SLC25A26: variants seen among roughly 807,000 people sequenced by gnomAD.
The protein encoded by SLC25A26 is mitochondrial S-adenosylmethionine carrier protein.
SLC25A26 carries 36 observed loss-of-function variants against 37.8 expected under a neutral mutation model. That is an observed-to-expected ratio of 0.95 (90% CI 0.73 to 1.26). The LOEUF (loss-of-function observed/expected upper bound fraction) is 1.26. SLC25A26 is among the 50% of genes most tolerant of loss of function. The pLI, the probability that SLC25A26 is intolerant of heterozygous loss-of-function variation, is 0.00. For synonymous variants in SLC25A26, 129 were observed against 122.5 expected, an observed-to-expected ratio of 1.05 and a Z score of -0.35; for missense variants, 390 against 331.1, an observed-to-expected ratio of 1.18 and a Z score of -1.38.
At chr3:66,276,757 T>C (rs1278549160) in intron 5 of SLC25A26, among the ~76,000 whole-genome samples, 2 of 152,034 alleles carry the variant, frequency 1.3e-5, no homozygotes, top group Admixed American at 6.6e-5. Flanking sequence ...AGATAATTTA[T>C]TGACTAGTGG....
At chr3:66,246,468 C>G (rs1032920875) in intron 3 of SLC25A26, among the ~76,000 whole-genome samples, 8 of 152,102 alleles carry the variant, frequency 5.3e-5, no homozygotes, top group African/African-American at 1.7e-4. Context: ...CGTTTATATT[C>G]TGATGCTCCT....
chr3:66,265,598 A>C lies in SLC25A26; in HGVS notation c.453+2219A>C, dbSNP rs139843727. On this transcript the variant is annotated intron_variant, in intron 5 of 9. Coordinates refer to ENST00000354883, the MANE Select transcript of SLC25A26 (RefSeq NM_001379210.1). The stretch of plus-strand genomic sequence containing the variant: ...ATACTGAAATTCATTGAAATCCCAA[A>C]TTTTATTCTCAGGTAGTTTTTTGTT... Among the ~76,000 whole-genome samples the C allele has an allele frequency of 7.0e-3, 1,066 of 152,312 alleles. 8 individuals carry two copies. Among genetic ancestry groups the C allele is most frequent in the Non-Finnish European group, 9.3e-3 (630 of 68,028 alleles).
chr3:66,222,553 C>G (rs889031853), intron 1 of SLC25A26, among the ~76,000 whole-genome samples: 19 of 152,222 alleles, frequency 1.2e-4, no homozygotes, highest in African/African-American at 4.3e-4. Context: ...GCTAACATTC[C>G]TGTGCCAGGA....
chr3:66,141,330 A>C (rs908255967), intron 1 of SLC25A26, among the ~76,000 whole-genome samples: 1 of 151,750 alleles, frequency 6.6e-6, no homozygotes, highest in African/African-American at 2.4e-5. Flanking sequence ...GGGCTCAAGA[A>C]ATATGTCTGC....
chr3:66,312,103 C>T (rs1050007633), intron 5 of SLC25A26, among the ~76,000 whole-genome samples: 2 of 152,176 alleles, frequency 1.3e-5, no homozygotes, highest in Non-Finnish European at 1.5e-5. Flanking sequence ...GCTGCCTGTT[C>T]CCCCAGGTGC....
chr3:66,135,020 G>C (rs558830017), intron 1 of SLC25A26, among the ~76,000 whole-genome samples: 2 of 151,890 alleles, frequency 1.3e-5, no homozygotes, highest in African/African-American at 4.8e-5. Flanking sequence ...TAGTACAGAC[G>C]GGGTTTCACC....
chr3:66,222,066 G>T (rs535595082), intron 1 of SLC25A26, among the ~76,000 whole-genome samples: 2 of 152,120 alleles, frequency 1.3e-5, no homozygotes, highest in South Asian at 4.2e-4. Flanking sequence ...GGGTGTTAGG[G>T]GAATATATGG....
At chr3:66,135,495 C>T (rs2069933184) in intron 1 of SLC25A26, among the ~76,000 whole-genome samples, 1 of 152,146 alleles carries the variant, frequency 6.6e-6, no homozygotes, top group African/African-American at 2.4e-5. Flanking sequence ...TGGCTGGGTA[C>T]AGTGGCTCAT....
chr3:66,335,325 G>A (rs1159540779), intron 5 of SLC25A26, among the ~76,000 whole-genome samples: 46 of 152,118 alleles, frequency 3.0e-4, no homozygotes, highest in Admixed American at 3.0e-3. Flanking sequence ...TACAGAGTTG[G>A]GAATTCCTGG....
rs967327369 is a variant in SLC25A26, at chr3:66,214,886, G to C, written c.-353-5856G>C. 1.1e-4 allele frequency among the ~76,000 whole-genome samples: 16 copies of C among 152,236 alleles called. 1 individual carries two copies. In the South Asian group the frequency reaches 3.3e-3, roughly 32 times the overall value. ...CTCATGCCTGTAATCCCAGCACTTT[G>C]GGAAGCTGAGGTGGGCGGATGGCTT... On this transcript the variant is annotated intron_variant, in intron 1 of 10. Transcript: ENST00000676754.
chr3:66,150,220 G>A (rs933169982), intron 1 of SLC25A26, among the ~76,000 whole-genome samples: 2 of 151,720 alleles, frequency 1.3e-5, no homozygotes, highest in Non-Finnish European at 2.9e-5. Flanking sequence ...AACATAGGCC[G>A]GGCATGGTGG....
chr3:66,281,986 C>A (rs1274499489), intron 5 of SLC25A26, among the ~76,000 whole-genome samples: 1 of 136,044 alleles, frequency 7.4e-6, no homozygotes, highest in Non-Finnish European at 1.6e-5. Context: ...CCACACCCAA[C>A]TGATTTTGCA....
At chr3:66,174,778 T>TCCGAG (rs1257444741) in intron 1 of SLC25A26, among the ~76,000 whole-genome samples, 1 of 139,992 alleles carries the variant, frequency 7.1e-6, no homozygotes, top group African/African-American at 2.7e-5. Context: ...AAAGCAAGAC[T>TCCGAG]CCGAGACTCC....
At chr3:66,254,307 A>G (rs1010688308) in intron 3 of SLC25A26, among the ~76,000 whole-genome samples, 1 of 152,228 alleles carries the variant, frequency 6.6e-6, no homozygotes, top group Non-Finnish European at 1.5e-5. Flanking sequence ...AATATTCTTA[A>G]TTGGAAACCT....
At chr3:66,243,151 G>T in intron 2 of SLC25A26, 52 bp from the exon 3 acceptor site, 1 of 830,708 alleles carries the variant, frequency 1.2e-6, no homozygotes, top group Non-Finnish European at 2.0e-6. Context: ...TTTCTTAACA[G>T]TGTGAATATA....
At chr3:66,168,053 C>T (rs190624291) in intron 1 of SLC25A26, among the ~76,000 whole-genome samples, 32 of 150,878 alleles carry the variant, frequency 2.1e-4, no homozygotes, top group Middle Eastern at 6.9e-3. Context: ...CTCATGAGGC[C>T]GAGGCAGGAA....
At chr3:66,297,012 GTAATAA>G (rs772674584) in intron 5 of SLC25A26, among the ~76,000 whole-genome samples, 22 of 152,202 alleles carry the variant, frequency 1.4e-4, no homozygotes, top group Non-Finnish European at 2.6e-4. Flanking sequence ...CCATTTATAA[GTAATAA>G]TAAGAATAAG....
chr3:66,297,602 T>C (rs1278210807), intron 5 of SLC25A26, among the ~76,000 whole-genome samples: 1 of 152,228 alleles, frequency 6.6e-6, no homozygotes, highest in Non-Finnish European at 1.5e-5. Context: ...ATTTCCTTTT[T>C]TAAAAAATAG....
At chr3:66,151,086 C>A (rs567733808) in intron 1 of SLC25A26, among the ~76,000 whole-genome samples, 5 of 152,244 alleles carry the variant, frequency 3.3e-5, no homozygotes, top group African/African-American at 9.6e-5. Flanking sequence ...GTTAAGGAAC[C>A]TAGGCTAGGC....
Sources: gnomAD v4.1 joint callset for allele counts (sites outside exome capture counted in the v4.1 genomes callset) on GRCh38, gnomAD v4.1.1 for gene constraint, MANE v1.5 for transcripts, NCBI Gene and HGNC (gene_info 2026-07-23, HGNC 2026-07-21) for gene names.